WDR49: variants seen among roughly 807,000 people sequenced by gnomAD.
The protein encoded by WDR49 is WD repeat domain 49.
In WDR49, 107 loss-of-function variants were observed where a neutral mutation model predicts 119.5. The ratio of observed to expected loss-of-function variants is 0.90; its 90% CI spans 0.77 to 1.05. WDR49 has a LOEUF of 1.05. Among genes scored for constraint, WDR49 ranks in the 50% least tolerant of loss-of-function variants. The pLI, the probability that WDR49 is intolerant of heterozygous loss-of-function variation, is 0.00. For synonymous variants in WDR49, 425 were observed against 418.8 expected, an observed-to-expected ratio of 1.01 and a Z score of -0.18; for missense variants, 1,240 against 1,220.5, an observed-to-expected ratio of 1.02 and a Z score of -0.24.
chr3:167,596,968 A>G (rs1715496669), intron 7 of WDR49, among the ~76,000 whole-genome samples: 1 of 151,316 alleles, frequency 6.6e-6, no homozygotes, highest in Admixed American at 6.6e-5. Context: ...AAAAAAAGAA[A>G]AGAAAAACCC....
chr3:167,493,323 G>T (rs1027280190), intron 18 of WDR49, among the ~76,000 whole-genome samples: 2 of 152,104 alleles, frequency 1.3e-5, no homozygotes, highest in African/African-American at 4.8e-5. Flanking sequence ...CTCCATGAAC[G>T]GTTTTCCATA....
chr3:167,642,622 T>G (rs60961670), intron 2 of WDR49, among the ~76,000 whole-genome samples: 44,745 of 151,694 alleles, frequency 0.29, 7,038 homozygotes, highest in African/African-American at 0.42. Flanking sequence ...CAACTGAAAG[T>G]ACCTGGAAGC....
In WDR49 at chr3:167,602,243, A is replaced by C; in HGVS notation, c.1159T>G (p.Trp387Gly). ...TAGINNKVCLWNPYVVSKPVG... is the reference protein window; with the variant it reads ...TAGINNKVCLGNPYVVSKPVG... ...GGTTTAGAGACAACATAGGGATTCCAAAGGCAAACTTTATTGTTAATGCCA... is the reference window on the plus strand; with the variant it reads ...GGTTTAGAGACAACATAGGGATTCCCAAGGCAAACTTTATTGTTAATGCCA... Residue 387 changes from tryptophan (W) to glycine (G), a missense_variant, in exon 7 of 19, where the codon TGG becomes GGG. Physicochemically the swap from Trp to Gly is radical, Grantham distance 184 (BLOSUM62 -2). Transcript: ENST00000682715. The C allele has an allele frequency of 6.3e-7, 1 of 1,594,446 alleles. No individual in the cohort carries two copies. The highest frequency in any genetic ancestry group is 1.1e-5 in the South Asian group (1 of 89,068).
intron 7 of WDR49, among the ~76,000 whole-genome samples, chr3:167,594,807 C>A (rs1156896710): frequency 2.0e-5 from 3 of 150,018 alleles, no homozygotes; most frequent in Non-Finnish European, 3.0e-5. Flanking sequence ...AAAACTGGCA[C>A]AAGACAGGGA....
Position 167,627,071 on chromosome 3 carries a change from C to A in WDR49, c.387G>T (p.Trp129Cys). 7.7e-7 allele frequency: 1 copy of A among 1,298,372 alleles called. No homozygotes were observed. The highest frequency in any genetic ancestry group is 9.8e-7 in the Non-Finnish European group (1 of 1,022,930). The allele number at this position is 1,298,372 out of a possible 1,614,324, so 80.4% of individuals were successfully genotyped here. ...ERAKATVVPQ[W>C]KDLEFLPVKH... Reference sequence around the variant, plus strand: ...TTACTGGGAGGAATTCAAGGTCCTTCCACTGGGGCACCACAGTTGCCTTTG... The same window carrying A: ...TTACTGGGAGGAATTCAAGGTCCTTACACTGGGGCACCACAGTTGCCTTTG... Residue 129 changes from tryptophan to cysteine, a missense_variant, in exon 3 of 19, where the codon TGG (tryptophan) becomes TGT (cysteine). By Grantham distance (215) the Trp-to-Cys change is radical. Coordinates refer to ENST00000682715, the MANE Select transcript of WDR49 (RefSeq NM_001366157.1).
intron 5 of WDR49, among the ~76,000 whole-genome samples, chr3:167,619,030 C>G (rs557079517): frequency 5.4e-4 from 82 of 152,094 alleles, no homozygotes; most frequent in Non-Finnish European, 1.1e-3. Context: ...AAAAGACAAT[C>G]ACAATTTAAA....
chr3:167,524,327 T>G (rs1752559426), intron 15 of WDR49, among the ~76,000 whole-genome samples: 1 of 152,188 alleles, frequency 6.6e-6, no homozygotes, highest in East Asian at 1.9e-4. Flanking sequence ...ATTGATTGAT[T>G]GCAAAAATTT....
At chr3:167,591,804 T>G (rs1715127405) in intron 7 of WDR49, among the ~76,000 whole-genome samples, 1 of 152,166 alleles carries the variant, frequency 6.6e-6, no homozygotes, top group African/African-American at 2.4e-5. Flanking sequence ...GTGTCTTTCT[T>G]GTAGGCAATA....
chr3:167,530,780 T>C (rs903760439), intron 13 of WDR49, among the ~76,000 whole-genome samples: 8 of 152,120 alleles, frequency 5.3e-5, no homozygotes, highest in African/African-American at 1.9e-4. Context: ...GCATACATCT[T>C]GCTGTGCCCC....
chr3:167,652,795 G>T (rs986134989), intron 2 of WDR49, among the ~76,000 whole-genome samples: 3 of 152,140 alleles, frequency 2.0e-5, no homozygotes, highest in Non-Finnish European at 4.4e-5. Context: ...CTTAGAAAAG[G>T]AGCTGTGCCA....
At chr3:167,623,278 A>G (rs1716955772) in intron 3 of WDR49, among the ~76,000 whole-genome samples, 1 of 152,102 alleles carries the variant, frequency 6.6e-6, no homozygotes, top group Non-Finnish European at 1.5e-5. Flanking sequence ...CAAATGTAAA[A>G]TGTATACTGA....
At chr3:167,650,628 CACA>C in intron 2 of WDR49, among the ~76,000 whole-genome samples, 1 of 152,112 alleles carries the variant, frequency 6.6e-6, no homozygotes, top group Non-Finnish European at 1.5e-5. Context: ...CACTTCCTTC[CACA>C]ACTAATAGGA....
Position 167,500,117 on chromosome 3 carries a change from A to T in WDR49, c.3031+36T>A, listed in dbSNP as rs374181881. ...TTTTAAATGACTAAGTTTCCTGAAG[A>T]GGGATAATAGAGGTGTATGATGGCT... is the stretch of plus-strand genomic sequence containing the variant. On this transcript the variant is annotated intron_variant, in intron 18 of 18. Coordinates refer to ENST00000682715, the MANE Select transcript of WDR49 (RefSeq NM_001366157.1). 1.5e-5 allele frequency: 22 copies of T among 1,495,178 alleles called. No individual in the cohort carries two copies. The African/African-American group carries it at 3.0e-4, about 21-fold the overall frequency. 92.6% of individuals were successfully genotyped at this position (1,495,178 alleles called of 1,614,324 possible). A position where few individuals can be genotyped will look rare whatever the true frequency, so the allele number is the denominator to read the frequency against.
intron 17 of WDR49, among the ~76,000 whole-genome samples, chr3:167,501,156 C>T: frequency 6.6e-6 from 1 of 152,134 alleles, no homozygotes; most frequent in East Asian, 1.9e-4. Flanking sequence ...CTAATAAGTT[C>T]TAGTTGATGC....
At chr3:167,584,286 G>A (rs1041811003) in intron 7 of WDR49, among the ~76,000 whole-genome samples, 4 of 152,080 alleles carry the variant, frequency 2.6e-5, no homozygotes, top group Admixed American at 2.0e-4. Context: ...GTAAATTAAA[G>A]CATGCAATTT....
chr3:167,505,615 A>G (rs555750363), intron 16 of WDR49, among the ~76,000 whole-genome samples, 199 bp from the exon 17 acceptor site: 1 of 152,364 alleles, frequency 6.6e-6, no homozygotes, highest in African/African-American at 2.4e-5. Context: ...GTGATAATAG[A>G]AAAGAGTGAG....
At chr3:167,652,237 T>C (rs533134327) in intron 2 of WDR49, among the ~76,000 whole-genome samples, 2 of 152,338 alleles carry the variant, frequency 1.3e-5, no homozygotes, top group African/African-American at 2.4e-5. Flanking sequence ...ATTGATACTA[T>C]TGGGACATTA....
intron 14 of WDR49, 128 bp from the exon 15 acceptor site, chr3:167,528,145 A>G: frequency 1.4e-6 from 1 of 698,066 alleles, no homozygotes; most frequent in South Asian, 2.9e-5. Context: ...ATGCAAAAGA[A>G]AAGTTCATGA....
chr3:167,576,125 G>A lies in WDR49; in HGVS notation c.1302C>T (p.His434=), dbSNP rs936073966. The A allele has an allele frequency of 1.2e-6, 2 of 1,614,034 alleles. No individual in the cohort carries two copies. The highest frequency in any genetic ancestry group is 1.3e-5 in the African/African-American group (1 of 75,042). The change falls in exon 8 of 19, where the codon CAC becomes CAT. Residue 434 remains histidine, a synonymous_variant. Coordinates refer to ENST00000682715, the MANE Select transcript of WDR49 (RefSeq NM_001366157.1). ...DKVLRLWDIQ[H]QLSIQRIACS... is the part of the protein sequence containing the mutation. ...AAGCTATCCTCTGGATGGACAGCTGGTGTTGAATATCCCAGAGTCTCAAAA... is the reference window on the plus strand; with the variant it reads ...AAGCTATCCTCTGGATGGACAGCTGATGTTGAATATCCCAGAGTCTCAAAA...
Sources: gnomAD v4.1 joint callset for allele counts (sites outside exome capture counted in the v4.1 genomes callset) on GRCh38, gnomAD v4.1.1 for gene constraint, MANE v1.5 for transcripts, NCBI Gene and HGNC (gene_info 2026-07-23, HGNC 2026-07-21) for gene names.